Variants in CDH4 observed in about 807,000 individuals in gnomAD.
CDH4 encodes the protein cadherin 4, also known as cadherin-4.
A neutral mutation model predicts 86.0 loss-of-function variants in CDH4; 33 were observed. That is an observed-to-expected ratio of 0.38 (90% CI 0.29 to 0.51). CDH4 has a LOEUF of 0.51. Among genes scored for constraint, CDH4 ranks in the 20% least tolerant of loss-of-function variants. The pLI, the probability that CDH4 is intolerant of heterozygous loss-of-function variation, is 0.86. For missense variants in CDH4, 1,114 were observed against 1,307.4 expected, an observed-to-expected ratio of 0.85 and a Z score of 2.28; for synonymous variants, 555 against 549.4, an observed-to-expected ratio of 1.01 and a Z score of -0.14.
At chr20:61,536,619 T>C (rs976110330) in intron 2 of CDH4, among the ~76,000 whole-genome samples, 2 of 152,184 alleles carry the variant, frequency 1.3e-5, no homozygotes, top group Non-Finnish European at 2.9e-5. Flanking sequence ...CTATGATGCA[T>C]TGTCTCACGA....
At chr20:61,664,051 TGGG>T (rs1182751363) in intron 2 of CDH4, among the ~76,000 whole-genome samples, 1 of 152,064 alleles carries the variant, frequency 6.6e-6, no homozygotes, top group African/African-American at 2.4e-5. Flanking sequence ...GGGCATTGTG[TGGG>T]GGCTGACCGG....
chr20:61,930,603 G>C (rs1308836394), intron 13 of CDH4, among the ~76,000 whole-genome samples: 1 of 152,204 alleles, frequency 6.6e-6, no homozygotes, highest in Non-Finnish European at 1.5e-5. Context: ...CCCTCCTGCA[G>C]ACCTGGCCTG....
chr20:61,889,850 AATGGATGGATGG>A (rs1305334354), intron 7 of CDH4, among the ~76,000 whole-genome samples: 1 of 133,038 alleles, frequency 7.5e-6, no homozygotes, highest in South Asian at 2.5e-4. Flanking sequence ...ATGGATAGAT[AATGGATGGATGG>A]ATAGATGGAT....
At chr20:61,294,599 C>T (rs754361380) in intron 2 of CDH4, among the ~76,000 whole-genome samples, 2 of 152,338 alleles carry the variant, frequency 1.3e-5, no homozygotes, top group Non-Finnish European at 2.9e-5. Context: ...ACTGTGGGAC[C>T]CCACACATGC....
rs539493758 is a variant in CDH4, at chr20:61,806,580, C to T, written c.576+33398C>T. The stretch of plus-strand genomic sequence containing the variant: ...ACACACATGTCCACGCGCACGCACA[C>T]ACACATGCAGTACCATCGGAGCAGG... On this transcript the variant is annotated intron_variant, in intron 4 of 15. Coordinates refer to ENST00000614565, the MANE Select transcript of CDH4 (RefSeq NM_001794.5). Among the ~76,000 whole-genome samples, 605 of 152,054 alleles carry T rather than the reference C, an allele frequency of 4.0e-3. 2 individuals are homozygous for T. The highest frequency in any genetic ancestry group is 0.013 in the African/African-American group (536 of 41,476).
chr20:61,434,331 T>G (rs1341988252), intron 2 of CDH4, among the ~76,000 whole-genome samples: 2 of 152,142 alleles, frequency 1.3e-5, no homozygotes, highest in Non-Finnish European at 2.9e-5. Flanking sequence ...CTCTCCGCTA[T>G]TTGATGGAAT....
At chr20:61,380,899 C>T (rs2084896989) in intron 2 of CDH4, among the ~76,000 whole-genome samples, 1 of 152,210 alleles carries the variant, frequency 6.6e-6, no homozygotes, top group African/African-American at 2.4e-5. Flanking sequence ...CAGAAATACT[C>T]ACCCTTAGCA....
At chr20:61,266,058 T>C (rs1568773468) in intron 2 of CDH4, among the ~76,000 whole-genome samples, 1 of 152,068 alleles carries the variant, frequency 6.6e-6, no homozygotes, top group Non-Finnish European at 1.5e-5. Flanking sequence ...TGAGAGTATG[T>C]GGGGATTTAG....
intron 2 of CDH4, among the ~76,000 whole-genome samples, chr20:61,468,356 G>A (rs1038591141): frequency 6.3e-5 from 4 of 63,126 alleles, no homozygotes; most frequent in African/African-American, 3.1e-4. Flanking sequence ...TTTGGGTAAG[G>A]TTAAATTCTT....
intron 4 of CDH4, among the ~76,000 whole-genome samples, chr20:61,828,586 G>A (rs564254536): frequency 1.4e-4 from 21 of 152,312 alleles, no homozygotes; most frequent in Non-Finnish European, 2.6e-4. Context: ...TTGCTCAGAG[G>A]TCCTGAGGGG....
At chr20:61,339,567 T>G (rs570544595) in intron 2 of CDH4, among the ~76,000 whole-genome samples, 7 of 152,184 alleles carry the variant, frequency 4.6e-5, no homozygotes, top group Admixed American at 2.0e-4. Flanking sequence ...TCGTACATAC[T>G]TTTTTTTACA....
At chr20:61,385,499 T>C (rs1183941951) in intron 2 of CDH4, among the ~76,000 whole-genome samples, 3 of 152,030 alleles carry the variant, frequency 2.0e-5, no homozygotes, top group Non-Finnish European at 2.9e-5. Context: ...TCTTGAACGC[T>C]TCCTGTCTGT....
At chr20:61,489,653 C>A (rs1017541770) in intron 2 of CDH4, among the ~76,000 whole-genome samples, 1 of 152,232 alleles carries the variant, frequency 6.6e-6, no homozygotes, top group Non-Finnish European at 1.5e-5. Flanking sequence ...CCAGTCCTGA[C>A]GTTAATAACT....
In CDH4 at chr20:61,934,196, CGACATCGGT is replaced by C. The variant is rs1247043558; in HGVS notation, c.2524_2532del (p.Ile842_Asp844del). 1 of 1,574,038 alleles carries C rather than the reference CGACATCGGT, an allele frequency of 6.4e-7. No homozygotes were observed. Among genetic ancestry groups the C allele is most frequent in the African/African-American group, 1.4e-5 (1 of 73,848 alleles). On this transcript the variant is annotated inframe_deletion, in exon 15 of 16. Coordinates refer to ENST00000614565, the MANE Select transcript of CDH4 (RefSeq NM_001794.5). Reference sequence around the variant, plus strand: ...TCAGGCCCATGGTGCCGCACCCAGGCGACATCGGTGACTTCATCAATGAGGTGTGTGCCT... The same window carrying C: ...TCAGGCCCATGGTGCCGCACCCAGGCGACTTCATCAATGAGGTGTGTGCCT...
chr20:61,415,239 C>T (rs920718911), intron 2 of CDH4, among the ~76,000 whole-genome samples: 1 of 152,154 alleles, frequency 6.6e-6, no homozygotes, highest in Non-Finnish European at 1.5e-5. Flanking sequence ...GTTGAAGAAC[C>T]TGCCTGTACC....
chr20:61,744,319 GAGAGA>G (rs1328403089), intron 3 of CDH4, among the ~76,000 whole-genome samples: 1 of 151,178 alleles, frequency 6.6e-6, no homozygotes, highest in African/African-American at 2.4e-5. Context: ...TGGGGAGAAA[GAGAGA>G]AGAGAGGTGG....
intron 8 of CDH4, among the ~76,000 whole-genome samples, chr20:61,907,608 G>A (rs1257810377): frequency 6.6e-6 from 1 of 152,208 alleles, no homozygotes; most frequent in South Asian, 2.1e-4. Context: ...TGTCCTGCTG[G>A]GGGACGATCT....
chr20:61,345,039 G>T (rs1047723593), intron 2 of CDH4, among the ~76,000 whole-genome samples: 1 of 152,188 alleles, frequency 6.6e-6, no homozygotes, highest in Non-Finnish European at 1.5e-5. Context: ...CTACTTATGC[G>T]CAGGTAATAG....
intron 2 of CDH4, among the ~76,000 whole-genome samples, chr20:61,609,851 A>G (rs1348702622): frequency 1.3e-5 from 2 of 151,754 alleles, no homozygotes; most frequent in East Asian, 3.9e-4. Context: ...TTTTTCTTCT[A>G]TTTTTTTCTT....
Sources: gnomAD v4.1 joint callset for allele counts (sites outside exome capture counted in the v4.1 genomes callset) on GRCh38, gnomAD v4.1.1 for gene constraint, MANE v1.5 for transcripts, NCBI Gene and HGNC (gene_info 2026-07-23, HGNC 2026-07-21) for gene names.